The following PYY variants were observed in gnomAD, a reference collection of about 807,000 sequenced individuals.
PYY encodes the protein peptide tyrosine tyrosine.
Under a neutral mutation model 10.3 loss-of-function variants are expected in PYY, and 12 were observed. That is an observed-to-expected ratio of 1.17 (90% confidence interval 0.75 to 1.89). The LOEUF (loss-of-function observed/expected upper bound fraction) is 1.89. Among genes scored for constraint, PYY ranks in the 40% most tolerant of loss-of-function variants. The pLI, the probability that PYY is intolerant of heterozygous loss-of-function variation, is 0.00. For missense variants in PYY, 141 were observed against 134.0 expected, an observed-to-expected ratio of 1.05 and a Z score of -0.26; for synonymous variants, 66 against 62.0, an observed-to-expected ratio of 1.06 and a Z score of -0.30.
intron 1 of PYY, among the ~76,000 whole-genome samples, chr17:43,999,491 C>G (rs866282565): frequency 1.3e-4 from 19 of 151,862 alleles, no homozygotes; most frequent in African/African-American, 3.4e-4. Flanking sequence ...CGCCTGTAAT[C>G]CCAGCACTTT....
chr17:43,983,397 TG>T (rs1484344206), intron 1 of PYY, among the ~76,000 whole-genome samples: 2 of 152,204 alleles, frequency 1.3e-5, no homozygotes, highest in Non-Finnish European at 2.9e-5. Context: ...GGGCCCTACC[TG>T]ATGGAGCCCC....
chr17:43,998,775 G>A (rs546193375), intron 1 of PYY, among the ~76,000 whole-genome samples: 30 of 152,214 alleles, frequency 2.0e-4, no homozygotes, highest in African/African-American at 7.2e-4. Flanking sequence ...AAACTGAGCT[G>A]CCATCAACTG....
chr17:44,000,682 G>T (rs1597861854), intron 1 of PYY, among the ~76,000 whole-genome samples: 1 of 150,666 alleles, frequency 6.6e-6, no homozygotes, highest in South Asian at 2.1e-4. Flanking sequence ...CCGAGTAGCT[G>T]GGATTACAGG....
chr17:43,981,731 G>A (rs900154914), intron 1 of PYY, among the ~76,000 whole-genome samples: 3 of 151,986 alleles, frequency 2.0e-5, no homozygotes, highest in African/African-American at 4.8e-5. Flanking sequence ...CTCGTGATCC[G>A]CCCACCTCGG....
rs1555617091 is a variant in PYY at position 43,963,578 on chromosome 17, G to GAA, written c.-218+2708_-218+2709dup. Among the ~76,000 whole-genome samples the GAA allele has an allele frequency of 7.3e-5, 5 of 68,866 alleles. No homozygotes were observed. The South Asian group carries it at 2.5e-3, about 34-fold the overall frequency. The allele number at this position is 68,866 out of a possible 152,430, so 45.2% of individuals were successfully genotyped here. On this transcript the variant is annotated intron_variant, in intron 2 of 6. Coordinates refer to the PYY transcript ENST00000360085. Reference sequence around the variant, plus strand: ...GAAGGAAGGAAGGAAGGAAAAGAAAGAAAGAAAGAAAGAAAGAAAGAAAGA... The same window carrying GAA: ...GAAGGAAGGAAGGAAGGAAAAGAAAGAAAAAGAAAGAAAGAAAGAAAGAAAGA...
rs229969 is a variant in PYY at position 43,953,375 on chromosome 17, G to C, written c.109C>G (p.Arg37Gly). 1,612,456 of 1,612,464 alleles carry C rather than the reference G, an allele frequency of 1. 806,224 individuals are homozygous for C. The highest frequency in any genetic ancestry group is 1 in the Middle Eastern group (6,054 of 6,054). The change falls in exon 2 of 4, where the codon CGC (arginine) becomes GGC (glycine). Residue 37 changes from arginine to glycine, a missense_variant. Physicochemically the swap from Arg to Gly is moderately radical, Grantham distance 125. Coordinates refer to ENST00000692052, the MANE Select transcript of PYY (RefSeq NM_001394028.1). ...DAYPIKPEAP[R>G]EDASPEELNR... is the part of the protein sequence containing the mutation. ...AGCTCCTCCGGCGAGGCGTCTTCGC[G>C]GGGAGCCTCGGGTTTGATGGGGTAG...
At chr17:43,971,324 C>A (rs528855500) in intron 1 of PYY, among the ~76,000 whole-genome samples, 1 of 152,288 alleles carries the variant, frequency 6.6e-6, no homozygotes, top group Non-Finnish European at 1.5e-5. Flanking sequence ...AATCCCAGCA[C>A]TTTGGGAGGC....
chr17:43,958,165 C>T (rs539669346), upstream of PYY: 1 of 42,166 alleles, frequency 2.4e-5, no homozygotes, highest in East Asian at 3.4e-4. Context: ...AAAGAATGGG[C>T]ATGGTAGTGC....
At chr17:43,994,703 C>T (rs1406712543) in intron 1 of PYY, among the ~76,000 whole-genome samples, 1 of 152,168 alleles carries the variant, frequency 6.6e-6, no homozygotes, top group African/African-American at 2.4e-5. Context: ...CCAAATAAAA[C>T]CTCCTGCTCC....
intron 1 of PYY, among the ~76,000 whole-genome samples, chr17:43,975,775 C>T (rs1318495752): frequency 7.0e-6 from 1 of 143,324 alleles, no homozygotes; most frequent in Non-Finnish European, 1.5e-5. Flanking sequence ...TATATACACA[C>T]ATATATACAC....
intron 2 of PYY, among the ~76,000 whole-genome samples, chr17:43,961,734 T>C (rs2048714329): frequency 1.3e-5 from 2 of 151,954 alleles, no homozygotes; most frequent in African/African-American, 4.8e-5. Context: ...AGAGACAGGG[T>C]TTCCCCCATG....
intron 1 of PYY, among the ~76,000 whole-genome samples, chr17:44,002,155 G>A (rs1050805460): frequency 2.0e-5 from 3 of 152,148 alleles, no homozygotes; most frequent in African/African-American, 7.2e-5. Flanking sequence ...ACTCAATGAG[G>A]AGGTCCTATG....
At chr17:43,961,702 G>C (rs547820023) in intron 2 of PYY, among the ~76,000 whole-genome samples, 2 of 151,972 alleles carry the variant, frequency 1.3e-5, no homozygotes, top group Non-Finnish European at 2.9e-5. Flanking sequence ...CACCACACCC[G>C]GCTAAGTTTT....
chr17:43,980,441 G>A (rs2048875453), intron 1 of PYY, among the ~76,000 whole-genome samples: 1 of 151,312 alleles, frequency 6.6e-6, no homozygotes, highest in Non-Finnish European at 1.5e-5. Flanking sequence ...TGGGATTACA[G>A]GAGTGAGCCA....
chr17:43,964,946 T>A (rs1204565929), intron 2 of PYY, among the ~76,000 whole-genome samples: 1 of 152,222 alleles, frequency 6.6e-6, no homozygotes, highest in Non-Finnish European at 1.5e-5. Flanking sequence ...CCTGTGTCCT[T>A]GAGAACAAGA....
chr17:43,952,836 C>T lies in PYY; in HGVS notation c.*120G>A. On this transcript the variant is annotated 3_prime_UTR_variant, in exon 4 of 4. Coordinates refer to ENST00000692052, the MANE Select transcript of PYY (RefSeq NM_001394028.1). ...GCACCGAGACGCGGGCGGAGGGCCG[C>T]ACCCGAACCCTGCCCAGACGCCGCC... The T allele has an allele frequency of 8.5e-7, 1 of 1,177,326 alleles. No individual in the cohort carries two copies. Among genetic ancestry groups the T allele is most frequent in the Non-Finnish European group, 1.2e-6 (1 of 854,826 alleles). 72.9% of individuals were successfully genotyped at this position (1,177,326 alleles called of 1,614,324 possible).
intron 1 of PYY, among the ~76,000 whole-genome samples, chr17:43,972,620 G>C (rs763446423): frequency 1.3e-5 from 2 of 151,880 alleles, no homozygotes; most frequent in Non-Finnish European, 2.9e-5. Flanking sequence ...CCTTGAACTC[G>C]TGAGCTCAAA....
chr17:43,997,594 C>A (rs1473298783), intron 1 of PYY, among the ~76,000 whole-genome samples: 1 of 152,032 alleles, frequency 6.6e-6, no homozygotes, highest in Non-Finnish European at 1.5e-5. Flanking sequence ...CTTTTACTCT[C>A]AGTGAGATGG....
At chr17:43,974,638 T>C (rs2048816869) in intron 1 of PYY, among the ~76,000 whole-genome samples, 1 of 152,148 alleles carries the variant, frequency 6.6e-6, no homozygotes, top group Non-Finnish European at 1.5e-5. Flanking sequence ...CCCCATAACG[T>C]GCTACATTTT....
Sources: gnomAD v4.1 joint callset for allele counts (sites outside exome capture counted in the v4.1 genomes callset) on GRCh38, gnomAD v4.1.1 for gene constraint, MANE v1.5 for transcripts, NCBI Gene and HGNC (gene_info 2026-07-23, HGNC 2026-07-21) for gene names.